The following CLIP1 variants were observed in gnomAD, a reference collection of about 807,000 sequenced individuals.
The protein encoded by CLIP1 is CAP-Gly domain-containing linker protein 1.
In CLIP1, 66 loss-of-function variants were observed where a neutral mutation model predicts 161.6. The ratio of observed to expected loss-of-function variants is 0.41; its 90% CI spans 0.33 to 0.50. The LOEUF (loss-of-function observed/expected upper bound fraction) is 0.50. Ranked by LOEUF, CLIP1 falls within the 20% of genes least tolerant of loss-of-function variation. CLIP1 has a pLI of 0.27. For synonymous variants in CLIP1, 598 were observed against 626.2 expected (o/e 0.96, Z 0.67); for missense variants, 1,376 against 1,702.0 (o/e 0.81, Z 3.37).
At chr12:122,410,163 T>G (rs1036005465) in intron 1 of CLIP1, among the ~76,000 whole-genome samples, 1 of 151,418 alleles carries the variant, frequency 6.6e-6, no homozygotes, top group African/African-American at 2.4e-5. Context: ...TGAGTCACCA[T>G]GCCTAGCCTC....
chr12:122,416,439 ATATCTT>A (rs1426775184), intron 1 of CLIP1, among the ~76,000 whole-genome samples: 1 of 152,050 alleles, frequency 6.6e-6, no homozygotes, highest in East Asian at 1.9e-4. Flanking sequence ...ATTTTCCCCC[ATATCTT>A]TATCTTCATC....
chr12:122,357,480 G>A (rs565071348), intron 5 of CLIP1, among the ~76,000 whole-genome samples: 1,764 of 142,550 alleles, frequency 0.012, 33 homozygotes, highest in African/African-American at 0.043. Context: ...GTCTCCGCCC[G>A]GCAGCCACCC....
intron 3 of CLIP1, among the ~76,000 whole-genome samples, chr12:122,373,823 TATGAAAATGGCTTATA>T (rs1291206967): frequency 1.3e-5 from 2 of 152,164 alleles, no homozygotes; most frequent in African/African-American, 4.8e-5. Flanking sequence ...GAAAGCATAT[TATGAAAATGGCTTATA>T]TGTAATAAGA....
At chr12:122,316,187 T>G (rs927927312) in intron 19 of CLIP1, among the ~76,000 whole-genome samples, 3 of 150,628 alleles carry the variant, frequency 2.0e-5, no homozygotes, top group African/African-American at 7.3e-5. Context: ...CTGATTCTAC[T>G]CGTACTTTCA....
In CLIP1 at chr12:122,272,173, T is replaced by C. The variant is rs977083892; in HGVS notation, c.*702A>G. On this transcript the variant is annotated 3_prime_UTR_variant, in exon 26 of 26. Transcript: ENST00000620786. Reference sequence around the variant, plus strand: ...ATTTTTAAAAAATATATACATACAATATATAGAAGCTGAAATTATGCAAAA... The same window carrying C: ...ATTTTTAAAAAATATATACATACAACATATAGAAGCTGAAATTATGCAAAA... The C allele has an allele frequency of 6.6e-6, 1 of 152,482 alleles. No individual in the cohort carries two copies. The highest frequency in any genetic ancestry group is 2.4e-5 in the African/African-American group (1 of 41,456). 9.4% of individuals were successfully genotyped at this position (152,482 alleles called of 1,614,324 possible).
At chr12:122,394,891 A>G (rs1334759736) in intron 1 of CLIP1, among the ~76,000 whole-genome samples, 2 of 152,172 alleles carry the variant, frequency 1.3e-5, no homozygotes, top group Non-Finnish European at 2.9e-5. Context: ...TAAAAAGTTA[A>G]TATTAACCCT....
intron 2 of CLIP1, among the ~76,000 whole-genome samples, chr12:122,380,068 C>A (rs1210046378): frequency 4.0e-5 from 6 of 151,502 alleles, no homozygotes; most frequent in African/African-American, 1.2e-4. Flanking sequence ...TATGGTGAAA[C>A]CCCATCTCTA....
At chr12:122,400,493 T>C (rs1005483458) in intron 1 of CLIP1, 1 of 151,970 alleles carries the variant, frequency 6.6e-6, no homozygotes, top group Non-Finnish European at 1.5e-5. Flanking sequence ...ACGCGCAGCA[T>C]ACTGCCACAC....
intron 18 of CLIP1, among the ~76,000 whole-genome samples, chr12:122,317,132 T>C (rs779853632): frequency 3.3e-5 from 5 of 152,344 alleles, no homozygotes; most frequent in Middle Eastern, 3.4e-3. Context: ...TTATCTTGTG[T>C]ACAATTATCA....
At chr12:122,381,795 C>A (rs1005737928) in intron 1 of CLIP1, among the ~76,000 whole-genome samples, 1 of 152,174 alleles carries the variant, frequency 6.6e-6, no homozygotes, top group African/African-American at 2.4e-5. Context: ...GTGCCCTCCC[C>A]CAAAGACATG....
At chr12:122,334,866 G>A (rs565607730) in intron 12 of CLIP1, among the ~76,000 whole-genome samples, 161 bp from the exon 13 acceptor site, 12 of 152,068 alleles carry the variant, frequency 7.9e-5, no homozygotes, top group Non-Finnish European at 1.8e-4. Context: ...ACTACATGTG[G>A]GTCATAAACA....
At chr12:122,329,067 T>C (rs573715780) in intron 15 of CLIP1, among the ~76,000 whole-genome samples, 1 of 152,018 alleles carries the variant, frequency 6.6e-6, no homozygotes, top group Non-Finnish European at 1.5e-5. Context: ...TGGTGGCTTA[T>C]GCCTATGATC....
intron 1 of CLIP1, among the ~76,000 whole-genome samples, chr12:122,407,712 C>T (rs1159049823): frequency 1.1e-4 from 12 of 104,746 alleles, no homozygotes; most frequent in Non-Finnish European, 1.5e-4. Flanking sequence ...AGTGAGAACA[C>T]GTGCTACAAG....
At chr12:122,411,650 G>A (rs1956539226) in intron 1 of CLIP1, among the ~76,000 whole-genome samples, 1 of 152,200 alleles carries the variant, frequency 6.6e-6, no homozygotes, top group African/African-American at 2.4e-5. Context: ...CAGTCATAAT[G>A]TATGATTCCC....
intron 15 of CLIP1, among the ~76,000 whole-genome samples, 177 bp from the exon 16 acceptor site, chr12:122,328,603 G>A (rs1236827339): frequency 6.6e-6 from 1 of 151,856 alleles, no homozygotes; most frequent in Non-Finnish European, 1.5e-5. Flanking sequence ...TTGTTTTGGG[G>A]GGGCGGAGTC....
chr12:122,417,294 C>CT (rs1440728359), intron 1 of CLIP1, among the ~76,000 whole-genome samples: 1 of 151,450 alleles, frequency 6.6e-6, no homozygotes, highest in Non-Finnish European at 1.5e-5. Flanking sequence ...AAGATTTTGT[C>CT]TTAAAAACAA....
At chr12:122,353,148 G>A (rs867464212) in intron 7 of CLIP1, among the ~76,000 whole-genome samples, 4 of 152,064 alleles carry the variant, frequency 2.6e-5, no homozygotes, top group South Asian at 2.1e-4. Flanking sequence ...GTTTAAGAGC[G>A]GCCTGAGCAA....
At chr12:122,352,551 C>T (rs1362253825) in intron 8 of CLIP1, among the ~76,000 whole-genome samples, 175 bp downstream of exon 8, 1 of 152,026 alleles carries the variant, frequency 6.6e-6, no homozygotes, top group African/African-American at 2.4e-5. Flanking sequence ...GGAAGTGGGC[C>T]ACACACTCAC....
At chr12:122,282,694 T>TAC (rs1397170547) in intron 21 of CLIP1, among the ~76,000 whole-genome samples, 1 of 152,114 alleles carries the variant, frequency 6.6e-6, no homozygotes, top group East Asian at 1.9e-4. Context: ...TATATATATA[T>TAC]ACTGCTGAGA....
Sources: allele counts gnomAD v4.1 joint callset (sites outside exome capture counted in the v4.1 genomes callset), GRCh38; gene constraint gnomAD v4.1.1; transcripts MANE v1.5; gene names NCBI Gene and HGNC (gene_info 2026-07-23, HGNC 2026-07-21).